Variants in SIM1 observed in about 807,000 individuals in gnomAD.
The protein encoded by SIM1 is single-minded homolog 1.
A neutral mutation model predicts 78.2 loss-of-function variants in SIM1; 18 were observed. The observed-to-expected ratio is 0.23, with a 90% CI of 0.16 to 0.34. The LOEUF (loss-of-function observed/expected upper bound fraction) is 0.34, where lower values mean the gene tolerates loss of function less well. Ranked by LOEUF, SIM1 falls within the 10% of genes least tolerant of loss-of-function variation. The pLI is 1.00. For missense variants in SIM1, 939 were observed against 975.1 expected, an observed-to-expected ratio of 0.96 and a Z score of 0.49; for synonymous variants, 417 against 385.2, an observed-to-expected ratio of 1.08 and a Z score of -0.97.
intron 10 of SIM1, among the ~76,000 whole-genome samples, chr6:100,419,115 G>A (rs895188528): frequency 6.6e-5 from 10 of 152,094 alleles, no homozygotes; most frequent in Non-Finnish European, 1.5e-4. Flanking sequence ...GTGGTGAGCC[G>A]AGATTGCACC....
intron 2 of SIM1, among the ~76,000 whole-genome samples, chr6:100,460,779 C>A: frequency 6.6e-6 from 1 of 152,192 alleles, no homozygotes; most frequent in East Asian, 1.9e-4. Context: ...GCGATTGTGA[C>A]TATTTTATTC....
At chr6:100,403,630 G>A (rs1770983753) in intron 10 of SIM1, among the ~76,000 whole-genome samples, 1 of 152,094 alleles carries the variant, frequency 6.6e-6, no homozygotes, top group African/African-American at 2.4e-5. Context: ...AAACAAAATA[G>A]GAGTTCAAAG....
chr6:100,393,530 A>G lies in SIM1; in HGVS notation c.1527T>C (p.Tyr509=). ...AAGCGATGTGAGGCATGCTGTTTTC[A>G]TAGGCTTCTCTGCTTTCTGGGGAGG... ...TKASPESREA[Y]ENSMPHIASV... is the part of the protein sequence containing the mutation. The change falls in exon 11 of 12, where the codon TAT becomes TAC. Residue 509 remains tyrosine, a synonymous_variant. Transcript: ENST00000369208. The G allele has an allele frequency of 6.3e-7, 1 of 1,586,018 alleles. No individual in the cohort carries two copies. The highest frequency in any genetic ancestry group is 8.6e-7 in the Non-Finnish European group (1 of 1,163,038).
intron 2 of SIM1, among the ~76,000 whole-genome samples, chr6:100,458,077 C>T (rs1415880569): frequency 7.0e-6 from 1 of 143,810 alleles, no homozygotes; most frequent in Non-Finnish European, 1.5e-5. Flanking sequence ...TCTCTGCCTT[C>T]GCGGAGCTCC....
At chr6:100,401,961 C>G (rs1381627948) in intron 10 of SIM1, among the ~76,000 whole-genome samples, 2 of 152,152 alleles carry the variant, frequency 1.3e-5, no homozygotes, top group South Asian at 4.1e-4. Context: ...CAGACATGGG[C>G]GTATCCTCAT....
At position 100,448,517 on chromosome 6, in the gene SIM1, G is replaced by T; in HGVS notation, c.705C>A (p.Arg235=). 6.2e-7 allele frequency: 1 copy of T among 1,614,048 alleles called. No individual in the cohort carries two copies. Among genetic ancestry groups the T allele is most frequent in the Non-Finnish European group, 8.5e-7 (1 of 1,180,028 alleles). ...AGATGAGCTTCATGTCCAGGCTGGC[G>T]CGGAACATAAACATATTGCTGTGTA... is the stretch of plus-strand genomic sequence containing the variant. The part of the protein sequence containing the change: ...IKLHSNMFMF[R]ASLDMKLIFL... The change falls in exon 7 of 12, where the codon CGC becomes CGA. Residue 235 remains arginine, a synonymous_variant. Transcript: ENST00000369208.
rs1483395298 is a variant in SIM1 at position 100,385,672 on chromosome 6, TGTG to T, written c.*4686_*4688del. On this transcript the variant is annotated 3_prime_UTR_variant, in exon 12 of 12. Transcript: ENST00000369208. ...GTGAACCATCATTTATTTATTTATG[TGTG>T]TGTGTGTGTGTGTGTGTGTGTGTGT... The T allele has an allele frequency of 6.8e-5, 4 of 59,246 alleles. No homozygotes were observed. The highest frequency in any genetic ancestry group is 1.2e-4 in the Non-Finnish European group (3 of 26,080). 3.7% of individuals were successfully genotyped at this position (59,246 alleles called of 1,614,324 possible). A position where few individuals can be genotyped will look rare whatever the true frequency, so the allele number is the denominator to read the frequency against.
chr6:100,390,736 G>A lies in SIM1; in HGVS notation c.1926C>T (p.Ser642=). The A allele has an allele frequency of 1.2e-6, 2 of 1,614,106 alleles. No homozygotes were observed. Among genetic ancestry groups the A allele is most frequent in the Non-Finnish European group, 1.7e-6 (2 of 1,180,020 alleles). ...TGTTGTCATAGTCATTTTCATGGGG[G>A]CTCAACATTTTTCCCTCTCTCTGCT... is the stretch of plus-strand genomic sequence containing the variant. ...HIQQREGKML[S]PHENDYDNSP... Residue 642 remains serine (S), a synonymous_variant, in exon 12 of 12, where the codon AGC becomes AGT. Transcript: ENST00000369208.
chr6:100,397,240 T>C (rs1188370673), intron 10 of SIM1, among the ~76,000 whole-genome samples: 3 of 152,198 alleles, frequency 2.0e-5, no homozygotes, highest in Non-Finnish European at 2.9e-5. Context: ...GCTTCTGAGT[T>C]TGAAGGATAA....
chr6:100,460,365 T>A (rs1772810637), intron 2 of SIM1, among the ~76,000 whole-genome samples: 1 of 152,264 alleles, frequency 6.6e-6, no homozygotes, highest in East Asian at 1.9e-4. Context: ...TTCATTTAAC[T>A]TATAGCCTTT....
chr6:100,400,080 A>T (rs1770869076), intron 10 of SIM1, among the ~76,000 whole-genome samples: 1 of 152,086 alleles, frequency 6.6e-6, no homozygotes, highest in Non-Finnish European at 1.5e-5. Flanking sequence ...ATGAATATTT[A>T]TGCACCAAAT....
Position 100,390,477 on chromosome 6 carries a change from T to C in SIM1, c.2185A>G (p.Asn729Asp), listed in dbSNP as rs776650850. ...GAGCCATTACAGCCCAAGGAATAGT[T>C]TCTAATGGTTTCGCTGTCATATAAG... Reference protein sequence around the residue: ...EHLYDSETIRNYSLGCNGSHF... With the variant: ...EHLYDSETIRDYSLGCNGSHF... Residue 729 changes from asparagine to aspartate, a missense_variant, in exon 12 of 12, where the codon AAC becomes GAC. Asn to Asp is a conservative substitution (Grantham distance 23). Coordinates refer to ENST00000369208, the MANE Select transcript of SIM1 (RefSeq NM_005068.3). 2 of 1,614,148 alleles carry C rather than the reference T, an allele frequency of 1.2e-6. No individual in the cohort carries two copies. The highest frequency in any genetic ancestry group is 4.5e-5 in the East Asian group (2 of 44,878).
intron 2 of SIM1, among the ~76,000 whole-genome samples, chr6:100,461,841 C>CTTTTTTTTTTTTTTTTTTTTTTTT (rs10522700): frequency 2.6e-5 from 3 of 113,354 alleles, no homozygotes; most frequent in African/African-American, 1.1e-4. Context: ...TTCTTTCTTT[C>CTTTTTTTTTTTTTTTTTTTTTTTT]TTTTTTTTTT....
chr6:100,420,296 T>C (rs1159278263), intron 10 of SIM1, among the ~76,000 whole-genome samples: 2 of 152,218 alleles, frequency 1.3e-5, no homozygotes, highest in African/African-American at 2.4e-5. Flanking sequence ...ATTCCTGCCA[T>C]CTGGAAGACC....
At chr6:100,402,135 T>C (rs1039312959) in intron 10 of SIM1, among the ~76,000 whole-genome samples, 1 of 152,214 alleles carries the variant, frequency 6.6e-6, no homozygotes, top group African/African-American at 2.4e-5. Context: ...TATGTATGTG[T>C]CATGTAAAGG....
chr6:100,410,067 T>TA (rs771693912), intron 10 of SIM1, among the ~76,000 whole-genome samples: 16 of 152,172 alleles, frequency 1.1e-4, no homozygotes, highest in South Asian at 2.1e-4. Flanking sequence ...GAGAGTTTCC[T>TA]AAAAAATCTG....
chr6:100,415,973 G>A (rs1157298498), intron 10 of SIM1, among the ~76,000 whole-genome samples: 8 of 152,092 alleles, frequency 5.3e-5, no homozygotes, highest in African/African-American at 1.9e-4. Flanking sequence ...ACTAAGATAG[G>A]GAAGCTAAAA....
intron 2 of SIM1, among the ~76,000 whole-genome samples, chr6:100,456,218 T>C (rs1772652064): frequency 6.6e-6 from 1 of 152,186 alleles, no homozygotes; most frequent in Admixed American, 6.5e-5. Flanking sequence ...CCTCCCCAAG[T>C]CCTAGTAAGG....
At chr6:100,409,741 T>C (rs1771145299) in intron 10 of SIM1, among the ~76,000 whole-genome samples, 1 of 152,170 alleles carries the variant, frequency 6.6e-6, no homozygotes, top group African/African-American at 2.4e-5. Flanking sequence ...CCATTTTCAT[T>C]CATCTCAAGA....
Sources: allele counts gnomAD v4.1 joint callset (sites outside exome capture counted in the v4.1 genomes callset), GRCh38; gene constraint gnomAD v4.1.1; transcripts MANE v1.5; gene names NCBI Gene and HGNC (gene_info 2026-07-23, HGNC 2026-07-21).